Variants in CADM2 observed in about 807,000 individuals in gnomAD.
The protein encoded by CADM2 is immunoglobulin superfamily member 4D.
Under a neutral mutation model 49.8 loss-of-function variants are expected in CADM2, and 12 were observed. The ratio of observed to expected loss-of-function variants is 0.24; its 90% CI spans 0.15 to 0.39. The LOEUF is 0.39. Among genes scored for constraint, CADM2 ranks in the 10% least tolerant of loss-of-function variants. The pLI, the probability that CADM2 is intolerant of heterozygous loss-of-function variation, is 1.00. For missense variants in CADM2, 378 were observed against 492.3 expected, an observed-to-expected ratio of 0.77 and a Z score of 2.20; for synonymous variants, 214 against 175.4, an observed-to-expected ratio of 1.22 and a Z score of -1.74.
intron 1 of CADM2, among the ~76,000 whole-genome samples, chr3:85,294,363 C>T (rs1268019851): frequency 6.6e-6 from 1 of 151,934 alleles, no homozygotes; most frequent in Non-Finnish European, 1.5e-5. Context: ...GGCCATACTG[C>T]CCAAGGTAAT....
intron 2 of CADM2, among the ~76,000 whole-genome samples, chr3:85,748,350 AT>A (rs1256004805): frequency 1.3e-5 from 2 of 151,676 alleles, no homozygotes; most frequent in African/African-American, 4.8e-5. Flanking sequence ...TAAAAAAAAA[AT>A]AAGCAGACAG....
chr3:85,110,531 T>C (rs1452035331), intron 1 of CADM2, among the ~76,000 whole-genome samples: 1 of 151,884 alleles, frequency 6.6e-6, no homozygotes, highest in African/African-American at 2.4e-5. Context: ...TTACAAATCA[T>C]ATGTTATAGT....
chr3:86,066,774 T>C lies in CADM2; in HGVS notation c.1206T>C (p.Tyr402=), dbSNP rs1739389679. 1 of 1,608,174 alleles carries C rather than the reference T, an allele frequency of 6.2e-7. No homozygotes were observed. Among genetic ancestry groups the C allele is most frequent in the African/African-American group, 1.3e-5 (1 of 74,798 alleles). The stretch of plus-strand genomic sequence containing the variant: ...TCAATGCTGAAGAGAAAAAAGAGTA[T>C]TTCATTTAAGATGCAGGCCAAGATT... The part of the protein sequence containing the change: ...SQVNAEEKKE[Y]FI Residue 402 remains tyrosine, a synonymous_variant, in exon 10 of 10, where the codon TAT becomes TAC. Transcript: ENST00000383699.
intron 1 of CADM2, among the ~76,000 whole-genome samples, chr3:85,599,684 A>C (rs770076878): frequency 1.3e-4 from 13 of 100,096 alleles, no homozygotes; most frequent in Non-Finnish European, 2.4e-4. Flanking sequence ...AAAAAAATTA[A>C]AAATTAAAAA....
At chr3:85,150,345 A>T (rs1028349001) in intron 1 of CADM2, among the ~76,000 whole-genome samples, 6 of 152,194 alleles carry the variant, frequency 3.9e-5, no homozygotes, top group Non-Finnish European at 8.8e-5. Context: ...CAGATGGTGT[A>T]CAAAAGACAC....
intron 1 of CADM2, among the ~76,000 whole-genome samples, chr3:85,413,754 G>T (rs1267283235): frequency 6.6e-6 from 1 of 152,134 alleles, no homozygotes; most frequent in Non-Finnish European, 1.5e-5. Flanking sequence ...CAATATTGGG[G>T]ATTACAATTT....
chr3:85,826,338 AATC>A (rs1162412453), intron 3 of CADM2, among the ~76,000 whole-genome samples: 1 of 152,076 alleles, frequency 6.6e-6, no homozygotes. Flanking sequence ...ACTTATCCTT[AATC>A]ATTACTTTGC....
intron 1 of CADM2, among the ~76,000 whole-genome samples, chr3:85,569,775 A>G (rs1156603067): frequency 1.3e-5 from 2 of 152,050 alleles, no homozygotes; most frequent in South Asian, 2.1e-4. Context: ...ACTTAGAAGT[A>G]GATTTCAGTG....
At chr3:85,077,909 T>C (rs1482160778) in intron 1 of CADM2, among the ~76,000 whole-genome samples, 4 of 152,090 alleles carry the variant, frequency 2.6e-5, no homozygotes, top group Admixed American at 2.6e-4. Flanking sequence ...TGTTTCTTAC[T>C]ATTGCGTAGG....
At chr3:85,792,673 C>T (rs1013264851) in intron 2 of CADM2, among the ~76,000 whole-genome samples, 1 of 152,152 alleles carries the variant, frequency 6.6e-6, no homozygotes, top group African/African-American at 2.4e-5. Context: ...TAATCTTTAG[C>T]ACAGGAAGAG....
chr3:85,556,716 T>C (rs1031247649), intron 1 of CADM2, among the ~76,000 whole-genome samples: 1 of 152,130 alleles, frequency 6.6e-6, no homozygotes, highest in Non-Finnish European at 1.5e-5. Context: ...TATTCTCTCA[T>C]TAAGAACAGC....
intron 3 of CADM2, among the ~76,000 whole-genome samples, chr3:85,811,084 G>A (rs768995001): frequency 6.6e-6 from 1 of 152,106 alleles, no homozygotes; most frequent in Admixed American, 6.5e-5. Context: ...GACATTCAAA[G>A]CAACATATGC....
At chr3:85,519,640 A>G (rs2060985946) in intron 1 of CADM2, among the ~76,000 whole-genome samples, 1 of 152,148 alleles carries the variant, frequency 6.6e-6, no homozygotes, top group South Asian at 2.1e-4. Context: ...CACGACATCA[A>G]CTTTTTACAT....
At chr3:85,851,889 G>T (rs772812252) in intron 3 of CADM2, among the ~76,000 whole-genome samples, 2 of 151,982 alleles carry the variant, frequency 1.3e-5, no homozygotes, top group Admixed American at 6.6e-5. Context: ...AGTTAATGAA[G>T]AATGAAGGAG....
chr3:85,913,173 A>C (rs1024243542), intron 6 of CADM2, among the ~76,000 whole-genome samples: 1 of 152,210 alleles, frequency 6.6e-6, no homozygotes, highest in Non-Finnish European at 1.5e-5. Flanking sequence ...CACAAGATAC[A>C]CACAAGGATT....
At chr3:86,019,584 G>A (rs1176307782) in intron 8 of CADM2, among the ~76,000 whole-genome samples, 20 of 149,838 alleles carry the variant, frequency 1.3e-4, no homozygotes, top group Non-Finnish European at 2.8e-4. Flanking sequence ...TCCTTGAAGA[G>A]GTCCTTCACA....
chr3:85,862,380 G>A (rs879799819), intron 3 of CADM2, among the ~76,000 whole-genome samples: 1 of 152,084 alleles, frequency 6.6e-6, no homozygotes, highest in Non-Finnish European at 1.5e-5. Context: ...TATCCTTTAT[G>A]TTGTATACTT....
chr3:85,034,948 G>T (rs1490984502), intron 1 of CADM2, among the ~76,000 whole-genome samples: 1 of 151,390 alleles, frequency 6.6e-6, no homozygotes, highest in Admixed American at 6.6e-5. Context: ...GATTACAATT[G>T]CCCACCACCA....
At chr3:85,995,625 T>C (rs1729285810) in intron 8 of CADM2, among the ~76,000 whole-genome samples, 1 of 152,200 alleles carries the variant, frequency 6.6e-6, no homozygotes, top group Non-Finnish European at 1.5e-5. Context: ...CCATACACTA[T>C]TTATTTCTAT....
Sources: gnomAD v4.1 joint callset for allele counts (sites outside exome capture counted in the v4.1 genomes callset) on GRCh38, gnomAD v4.1.1 for gene constraint, MANE v1.5 for transcripts, NCBI Gene and HGNC (gene_info 2026-07-23, HGNC 2026-07-21) for gene names.